LINGO2: variants seen among roughly 807,000 people sequenced by gnomAD.
The protein encoded by LINGO2 is leucine-rich repeat and immunoglobulin-like domain-containing nogo receptor-interacting protein 2.
In LINGO2, 14 loss-of-function variants were observed where a neutral mutation model predicts 30.6. The observed-to-expected ratio is 0.46, with a 90% CI of 0.30 to 0.72. LINGO2 has a LOEUF of 0.72. Ranked by LOEUF, LINGO2 falls within the 30% of genes least tolerant of loss-of-function variation. The pLI is 0.07. For missense variants in LINGO2, 729 were observed against 751.7 expected (o/e 0.97, Z 0.35); for synonymous variants, 317 against 288.5 (o/e 1.10, Z -1.00).
the LINGO2 span, among the ~76,000 whole-genome samples, chr9:28,751,304 A>AT: frequency 6.7e-6 from 1 of 150,094 alleles, no homozygotes; most frequent in Admixed American, 6.6e-5. Context: ...AAAAAAAAAA[A>AT]AAAAAGGGAA....
At chr9:29,055,634 GC>G in the LINGO2 span, among the ~76,000 whole-genome samples, 1 of 152,030 alleles carries the variant, frequency 6.6e-6, no homozygotes, top group East Asian at 1.9e-4. Context: ...TTCTTTAGAG[GC>G]AATTTTTGAG....
chr9:28,379,531 C>G (rs575720435), intron 2 of LINGO2, among the ~76,000 whole-genome samples: 1 of 152,108 alleles, frequency 6.6e-6, no homozygotes, highest in South Asian at 2.1e-4. Flanking sequence ...ACTCCCCTGC[C>G]CTCCTCCCCA....
chr9:28,589,523 C>G (rs1257617613), intron 1 of LINGO2, among the ~76,000 whole-genome samples: 2 of 151,904 alleles, frequency 1.3e-5, no homozygotes, highest in Non-Finnish European at 2.9e-5. Context: ...AAACAGAGAG[C>G]CAAATCATCA....
At chr9:28,889,437 GTT>G in the LINGO2 span, among the ~76,000 whole-genome samples, 3 of 151,112 alleles carry the variant, frequency 2.0e-5, no homozygotes, top group Non-Finnish European at 4.4e-5. Context: ...TTTTGCTTCA[GTT>G]TTTTTTTTAA....
At chr9:28,514,424 T>G (rs1337761906) in intron 1 of LINGO2, among the ~76,000 whole-genome samples, 1 of 152,202 alleles carries the variant, frequency 6.6e-6, no homozygotes. Context: ...GGAAATGTTC[T>G]TGAAGAAAAT....
chr9:28,763,704 A>T, the LINGO2 span, among the ~76,000 whole-genome samples: 42 of 151,790 alleles, frequency 2.8e-4, no homozygotes, highest in Non-Finnish European at 5.7e-4. Flanking sequence ...AATTAAATAG[A>T]GAATCTATAA....
rs569878614 is a variant in LINGO2, at chr9:28,576,935, G to A, written c.-365+93265C>T. ...TAAGAACTGCAAAATTTTTTAAATC[G>A]CTTTTGCAAAAATTGTAACAGTGAG... On this transcript the variant is annotated intron_variant, in intron 1 of 5. Coordinates refer to ENST00000379992, the Ensembl canonical transcript of LINGO2. Among the ~76,000 whole-genome samples, 43 of 152,186 alleles carry A rather than the reference G, an allele frequency of 2.8e-4. 1 individual carries two copies. In the South Asian group the frequency reaches 8.1e-3, roughly 29 times the overall value.
At chr9:28,866,572 C>T in the LINGO2 span, among the ~76,000 whole-genome samples, 1 of 152,020 alleles carries the variant, frequency 6.6e-6, no homozygotes, top group Non-Finnish European at 1.5e-5. Flanking sequence ...ACCCAGGGCA[C>T]CCAGGGCAGA....
intron 4 of LINGO2, among the ~76,000 whole-genome samples, chr9:28,171,772 G>A (rs1484476967): frequency 6.6e-6 from 1 of 151,682 alleles, no homozygotes; most frequent in Non-Finnish European, 1.5e-5. Context: ...ACTTTGGGAG[G>A]CCGAGGCAGG....
At chr9:28,588,764 T>G (rs2135694108) in intron 1 of LINGO2, among the ~76,000 whole-genome samples, 1 of 152,186 alleles carries the variant, frequency 6.6e-6, no homozygotes, top group South Asian at 2.1e-4. Flanking sequence ...AAAATTGGGC[T>G]GTGGTTACAA....
At chr9:28,963,841 A>G in the LINGO2 span, among the ~76,000 whole-genome samples, 2 of 151,902 alleles carry the variant, frequency 1.3e-5, no homozygotes, top group African/African-American at 4.8e-5. Flanking sequence ...GTTAGAAGGA[A>G]TAAGTTCTAG....
At chr9:29,137,698 C>T in the LINGO2 span, among the ~76,000 whole-genome samples, 7 of 152,070 alleles carry the variant, frequency 4.6e-5, no homozygotes, top group African/African-American at 1.4e-4. Context: ...GGAGTGAAGG[C>T]TGAGGTTATA....
At chr9:28,970,572 G>A in the LINGO2 span, among the ~76,000 whole-genome samples, 2 of 152,146 alleles carry the variant, frequency 1.3e-5, no homozygotes, top group Non-Finnish European at 2.9e-5. Flanking sequence ...AGTGTGCTGA[G>A]GGAGGGAGAG....
At chr9:28,226,381 T>C (rs1414875584) in intron 4 of LINGO2, among the ~76,000 whole-genome samples, 2 of 152,064 alleles carry the variant, frequency 1.3e-5, no homozygotes, top group African/African-American at 2.4e-5. Flanking sequence ...TAGAAATGTC[T>C]TCCCAGTCTC....
At chr9:28,532,885 G>A (rs966624287) in intron 1 of LINGO2, among the ~76,000 whole-genome samples, 1 of 151,944 alleles carries the variant, frequency 6.6e-6, no homozygotes, top group Non-Finnish European at 1.5e-5. Context: ...CTTATAGACC[G>A]AATCCAGCTT....
chr9:28,885,602 G>C, the LINGO2 span, among the ~76,000 whole-genome samples: 1 of 151,850 alleles, frequency 6.6e-6, no homozygotes, highest in Admixed American at 6.6e-5. Flanking sequence ...AAATATTAAA[G>C]TCTATCTATA....
the LINGO2 span, among the ~76,000 whole-genome samples, chr9:28,777,274 G>C: frequency 6.6e-6 from 1 of 152,138 alleles, no homozygotes; most frequent in African/African-American, 2.4e-5. Flanking sequence ...TTGAACAATT[G>C]AGACTGAATA....
the LINGO2 span, among the ~76,000 whole-genome samples, chr9:28,913,135 T>C: frequency 3.3e-5 from 5 of 152,280 alleles, no homozygotes; most frequent in South Asian, 2.1e-4. Flanking sequence ...AACTAAATGA[T>C]CTGTTCAATA....
At chr9:28,745,023 T>C in the LINGO2 span, among the ~76,000 whole-genome samples, 2 of 152,014 alleles carry the variant, frequency 1.3e-5, no homozygotes, top group Admixed American at 6.6e-5. Flanking sequence ...TAGGCACCCA[T>C]GTCATTTAGG....
Sources: allele counts gnomAD v4.1 joint callset (sites outside exome capture counted in the v4.1 genomes callset), GRCh38; gene constraint gnomAD v4.1.1; transcripts MANE v1.5; gene names NCBI Gene and HGNC (gene_info 2026-07-23, HGNC 2026-07-21).